The following TRPC7 variants were observed in gnomAD, a reference collection of about 807,000 sequenced individuals.
TRPC7 encodes transient receptor potential cation channel subfamily C member 7, also known as short transient receptor potential channel 7.
A neutral mutation model predicts 90.1 loss-of-function variants in TRPC7; 42 were observed. The observed-to-expected ratio is 0.47, with a 90% confidence interval of 0.36 to 0.60. The LOEUF (loss-of-function observed/expected upper bound fraction) is 0.60, where lower values mean the gene tolerates loss of function less well. Ranked by LOEUF, TRPC7 falls within the 20% of genes least tolerant of loss-of-function variation. TRPC7 has a pLI of 0.00. For missense variants in TRPC7, 955 were observed against 1,112.3 expected, an observed-to-expected ratio of 0.86 and a Z score of 2.01; for synonymous variants, 451 against 436.3, an observed-to-expected ratio of 1.03 and a Z score of -0.42.
chr5:136,357,106 C>G lies in TRPC7; in HGVS notation c.282G>C (p.Thr94=). The part of the protein sequence containing the change: ...LAVGNEHLEV[T]ELLLKKENLA... Reference sequence around the variant, plus strand: ...GGTTCTCCTTCTTCAGCAGCAGCTCCGTGACCTCTAGGTGCTCGTTGCCCA... The same window carrying G: ...GGTTCTCCTTCTTCAGCAGCAGCTCGGTGACCTCTAGGTGCTCGTTGCCCA... The change falls in exon 2 of 12, where the codon ACG becomes ACC. Residue 94 remains threonine (T), a synonymous_variant. Transcript: ENST00000513104. The G allele has an allele frequency of 6.2e-7, 1 of 1,614,094 alleles. No homozygotes were observed.
At chr5:136,299,472 G>A (rs1030819782) in intron 3 of TRPC7, among the ~76,000 whole-genome samples, 3 of 151,468 alleles carry the variant, frequency 2.0e-5, no homozygotes, top group African/African-American at 7.3e-5. Flanking sequence ...ACTGTGGCTT[G>A]GATTACATAA....
intron 4 of TRPC7, among the ~76,000 whole-genome samples, chr5:136,273,729 A>C (rs977683708): frequency 6.6e-6 from 1 of 152,202 alleles, no homozygotes; most frequent in Non-Finnish European, 1.5e-5. Flanking sequence ...TATTTCTCCT[A>C]CTGAATGTTG....
intron 4 of TRPC7, 124 bp from the exon 5 acceptor site, chr5:136,266,560 C>T (rs889098405): frequency 6.0e-6 from 5 of 827,546 alleles, no homozygotes; most frequent in African/African-American, 5.2e-5. Context: ...AAACTGCTAA[C>T]TGAACCCATA....
chr5:136,328,367 G>T (rs1759405554), intron 2 of TRPC7, among the ~76,000 whole-genome samples: 1 of 152,160 alleles, frequency 6.6e-6, no homozygotes, highest in Non-Finnish European at 1.5e-5. Context: ...CTCTGCAGGA[G>T]GCTTTCCTTT....
intron 10 of TRPC7, among the ~76,000 whole-genome samples, chr5:136,222,535 T>C (rs1755495459): frequency 6.6e-6 from 1 of 152,220 alleles, no homozygotes; most frequent in African/African-American, 2.4e-5. Context: ...GGAAGGCCAC[T>C]GGTAGGCCCA....
At chr5:136,218,177 C>A in intron 10 of TRPC7, among the ~76,000 whole-genome samples, 1 of 140,886 alleles carries the variant, frequency 7.1e-6, no homozygotes, top group African/African-American at 2.6e-5. Flanking sequence ...ATATATATCT[C>A]AAAAATATAT....
intron 3 of TRPC7, among the ~76,000 whole-genome samples, chr5:136,307,958 T>C (rs1758700784): frequency 1.3e-5 from 2 of 152,274 alleles, no homozygotes; most frequent in South Asian, 2.1e-4. Context: ...ATTTTATGGA[T>C]GAGAAAATCA....
At chr5:136,338,713 T>G (rs1759746486) in intron 2 of TRPC7, among the ~76,000 whole-genome samples, 2 of 152,142 alleles carry the variant, frequency 1.3e-5, no homozygotes, top group Non-Finnish European at 2.9e-5. Context: ...TGATGGAGAT[T>G]TTTTCACTTT....
At chr5:136,334,964 C>T (rs1759606407) in intron 2 of TRPC7, among the ~76,000 whole-genome samples, 1 of 152,010 alleles carries the variant, frequency 6.6e-6, no homozygotes, top group East Asian at 1.9e-4. Context: ...TTCTAAAAGC[C>T]CCGGGAGACA....
chr5:136,301,340 T>A (rs1758375962), intron 3 of TRPC7, among the ~76,000 whole-genome samples: 1 of 115,526 alleles, frequency 8.7e-6, no homozygotes, highest in Non-Finnish European at 1.8e-5. Flanking sequence ...GCATTTTTTT[T>A]TTTTTTTTTT....
At chr5:136,297,827 T>C (rs1758234291) in intron 3 of TRPC7, among the ~76,000 whole-genome samples, 1 of 152,214 alleles carries the variant, frequency 6.6e-6, no homozygotes, top group Admixed American at 6.5e-5. Flanking sequence ...ATGGACTGCT[T>C]TCCTATTCAT....
At chr5:136,306,310 A>G (rs750060642) in intron 3 of TRPC7, among the ~76,000 whole-genome samples, 16 of 152,126 alleles carry the variant, frequency 1.1e-4, no homozygotes, top group Non-Finnish European at 1.8e-4. Context: ...TTCATACAAA[A>G]CCATATCCAG....
In TRPC7 at chr5:136,225,357, G is replaced by A; in HGVS notation, c.2263-3C>T. The A allele has an allele frequency of 6.2e-7, 1 of 1,611,300 alleles. No individual in the cohort carries two copies. On this transcript the variant is annotated splice_region_variant and splice_polypyrimidine_tract_variant and intron_variant, in intron 9 of 11. Coordinates refer to ENST00000513104, the MANE Select transcript of TRPC7 (RefSeq NM_020389.3). ...ATGCCAGCCTGGTAGCGAGTCTTCT[G>A]GATAAAACAAACAAACCCACACACA...
At position 136,316,150 on chromosome 5, in the gene TRPC7, G is replaced by A. The variant is rs373283831; in HGVS notation, c.781-371C>T. The stretch of plus-strand genomic sequence containing the variant: ...TTTAACTTTGCTCTCTAATGATGTG[G>A]ATGCCTGCCACAGCCCATCCTGGGC... On this transcript the variant is annotated intron_variant, in intron 2 of 11. Coordinates refer to ENST00000513104, the MANE Select transcript of TRPC7 (RefSeq NM_020389.3). 4 of 185,210 alleles carry A rather than the reference G, an allele frequency of 2.2e-5. No homozygotes were observed. In the East Asian group the frequency reaches 4.2e-4, roughly 20 times the overall value. The allele number at this position is 185,210 out of a possible 1,614,324, so 11.5% of individuals were successfully genotyped here.
chr5:136,287,309 T>C (rs1229832048), intron 3 of TRPC7, among the ~76,000 whole-genome samples: 1 of 152,082 alleles, frequency 6.6e-6, no homozygotes, highest in Non-Finnish European at 1.5e-5. Context: ...GGAATGGTTC[T>C]GAATATCACA....
At chr5:136,353,638 C>T (rs1290092667) in intron 2 of TRPC7, among the ~76,000 whole-genome samples, 2 of 152,126 alleles carry the variant, frequency 1.3e-5, no homozygotes, top group Admixed American at 1.3e-4. Flanking sequence ...ATAAGGCTAA[C>T]TGAATAACTA....
intron 2 of TRPC7, among the ~76,000 whole-genome samples, chr5:136,335,112 T>C (rs1483403837): frequency 2.0e-5 from 3 of 152,208 alleles, no homozygotes; most frequent in Non-Finnish European, 2.9e-5. Flanking sequence ...GATATCCACT[T>C]TGTAAATGAA....
chr5:136,245,418 C>T (rs770395383), intron 7 of TRPC7, among the ~76,000 whole-genome samples: 1 of 152,180 alleles, frequency 6.6e-6, no homozygotes, highest in Non-Finnish European at 1.5e-5. Flanking sequence ...CTAAGTGGCA[C>T]AGAATTCATT....
chr5:136,361,926 A>G (rs373306194), intron 1 of TRPC7, among the ~76,000 whole-genome samples: 1 of 152,150 alleles, frequency 6.6e-6, no homozygotes, highest in Non-Finnish European at 1.5e-5. Context: ...GTTCCTCAGG[A>G]GCACAGTGAG....
Sources: gnomAD v4.1 joint callset for allele counts (sites outside exome capture counted in the v4.1 genomes callset) on GRCh38, gnomAD v4.1.1 for gene constraint, MANE v1.5 for transcripts, NCBI Gene and HGNC (gene_info 2026-07-23, HGNC 2026-07-21) for gene names.